Variants in UGT1A3 observed in about 807,000 individuals in gnomAD.
UGT1A3 encodes UDP-glucuronosyltransferase 1A3.
In UGT1A3, 31 loss-of-function variants were observed where a neutral mutation model predicts 41.0. That is an observed-to-expected ratio of 0.76 (90% CI 0.57 to 1.02). The LOEUF (loss-of-function observed/expected upper bound fraction) is 1.02. Among genes scored for constraint, UGT1A3 ranks in the 50% least tolerant of loss-of-function variants. The probability of loss-of-function intolerance (pLI) is 0.00; values close to 1 mark genes in which losing one functional copy is unlikely to be tolerated. For missense variants in UGT1A3, 737 were observed against 671.0 expected (o/e 1.10, Z -1.09); for synonymous variants, 262 against 257.6 (o/e 1.02, Z -0.17).
At position 233,773,153 on chromosome 2, in the gene UGT1A3, T is replaced by C. The variant is rs2126068054; in HGVS notation, c.*594T>C. 6.5e-6 allele frequency: 1 copy of C among 154,246 alleles called. No individual in the cohort carries two copies. The highest frequency in any genetic ancestry group is 3.4e-3 in the Middle Eastern group (1 of 294). 9.6% of individuals were successfully genotyped at this position (154,246 alleles called of 1,614,324 possible). A position where few individuals can be genotyped will look rare whatever the true frequency, so the allele number is the denominator to read the frequency against. On this transcript the variant is annotated 3_prime_UTR_variant, in exon 5 of 5. Coordinates refer to ENST00000482026, the MANE Select transcript of UGT1A3 (RefSeq NM_019093.4). ...ATGATGCTATGAAATTGGTGGGTGG[T>C]GTATTTGAGAAGATAATCATTGCTT...
chr2:233,732,815 A>G (rs1359476181), intron 1 of UGT1A3, among the ~76,000 whole-genome samples: 2 of 140,410 alleles, frequency 1.4e-5, no homozygotes, highest in African/African-American at 5.5e-5. Context: ...TTGATTCCAT[A>G]TGAACTTTAA....
intron 1 of UGT1A3, among the ~76,000 whole-genome samples, chr2:233,763,590 A>G (rs772976697): frequency 6.6e-6 from 1 of 152,156 alleles, no homozygotes; most frequent in Non-Finnish European, 1.5e-5. Flanking sequence ...TTCCTTTGTT[A>G]ACTAAAAATG....
At chr2:233,760,002 C>T (rs1697301368) in intron 1 of UGT1A3, among the ~76,000 whole-genome samples, 1 of 152,194 alleles carries the variant, frequency 6.6e-6, no homozygotes, top group Admixed American at 6.5e-5. Flanking sequence ...TGTGGAAATA[C>T]TAATTTAATG....
intron 1 of UGT1A3, chr2:233,741,688 A>C (rs1691743482): frequency 6.6e-6 from 1 of 151,896 alleles, no homozygotes; most frequent in Non-Finnish European, 1.5e-5. Flanking sequence ...GGGTGCCATT[A>C]CATGCAGAGT....
intron 1 of UGT1A3, among the ~76,000 whole-genome samples, 180 bp from the exon 2 acceptor site, chr2:233,766,854 A>G (rs966764700): frequency 6.6e-6 from 1 of 152,226 alleles, no homozygotes. Flanking sequence ...CTCCTTTAGA[A>G]GGAAGTAAAG....
At chr2:233,754,746 A>G (rs1695573516) in intron 1 of UGT1A3, 1 of 757,186 alleles carries the variant, frequency 1.3e-6, no homozygotes, top group Non-Finnish European at 2.0e-6. Flanking sequence ...GGACATGCAG[A>G]AGGAAGAAAG....
rs186714678 is a variant in UGT1A3 at position 233,744,068 on chromosome 2, C to T, written c.867+14075C>T. On this transcript the variant is annotated intron_variant, in intron 1 of 4. Coordinates refer to ENST00000482026, the MANE Select transcript of UGT1A3 (RefSeq NM_019093.4). ...CATCTCATTGGTCGAGGCCTATGAG[C>T]GCCTCGCATCCCAAGATGCAGTGCT... is the stretch of plus-strand genomic sequence containing the variant. 2.4e-4 allele frequency: 123 copies of T among 517,010 alleles called. 1 individual carries two copies. Among genetic ancestry groups the T allele is most frequent in the African/African-American group, 1.6e-3 (78 of 49,160 alleles). 32.0% of individuals were successfully genotyped at this position (517,010 alleles called of 1,614,324 possible).
intron 1 of UGT1A3, chr2:233,741,725 C>G (rs1312283881): frequency 6.6e-6 from 1 of 151,856 alleles, no homozygotes; most frequent in Non-Finnish European, 1.5e-5. Flanking sequence ...AGAGCATATC[C>G]AAACCCATAT....
At chr2:233,738,611 A>C (rs1411128815) in intron 1 of UGT1A3, among the ~76,000 whole-genome samples, 2 of 152,250 alleles carry the variant, frequency 1.3e-5, no homozygotes, top group Admixed American at 6.5e-5. Flanking sequence ...TTAGCAAAGA[A>C]ACTCGTGGCA....
At chr2:233,760,603 C>T in intron 1 of UGT1A3, 1 of 1,614,202 alleles carries the variant, frequency 6.2e-7, no homozygotes, top group Non-Finnish European at 8.5e-7. Context: ...TGATTCTTTC[C>T]TGCAGCGTGT....
rs1362371317 is a variant in UGT1A3 at position 233,772,403 on chromosome 2, C to T, written c.1449C>T (p.Thr483=). The T allele has an allele frequency of 6.2e-7, 1 of 1,614,140 alleles. No individual in the cohort carries two copies. Among genetic ancestry groups the T allele is most frequent in the African/African-American group, 1.3e-5 (1 of 74,952 alleles). The part of the protein sequence containing the change: ...PHLRPAAHDL[T]WYQYHSLDVI... ...TGCGCCCCGCAGCCCACGACCTCAC[C>T]TGGTACCAGTACCATTCCTTGGACG... Residue 483 remains threonine (T), a synonymous_variant, in exon 5 of 5, where the codon ACC becomes ACT. Coordinates refer to ENST00000482026, the MANE Select transcript of UGT1A3 (RefSeq NM_019093.4).
chr2:233,739,953 G>A (rs1339008674), intron 1 of UGT1A3, among the ~76,000 whole-genome samples: 1 of 151,912 alleles, frequency 6.6e-6, no homozygotes, highest in Non-Finnish European at 1.5e-5. Context: ...CCTGGTGGGA[G>A]CTGATTGAAT....
At chr2:233,765,532 C>T (rs769087620) in intron 1 of UGT1A3, among the ~76,000 whole-genome samples, 15 of 152,064 alleles carry the variant, frequency 9.9e-5, no homozygotes, top group Non-Finnish European at 2.1e-4. Context: ...CGCATGTTCT[C>T]ACTCATAAGT....
intron 1 of UGT1A3, among the ~76,000 whole-genome samples, chr2:233,742,577 G>T (rs28900373): frequency 0.034 from 5,125 of 151,816 alleles, 154 homozygotes; most frequent in African/African-American, 0.051. Flanking sequence ...CGGAATTGGG[G>T]GCTTATCCCC....
At chr2:233,758,898 T>G (rs1462729445) in intron 1 of UGT1A3, among the ~76,000 whole-genome samples, 1 of 152,186 alleles carries the variant, frequency 6.6e-6, no homozygotes, top group Non-Finnish European at 1.5e-5. Context: ...AAATACAAAT[T>G]TGAGTTGTTT....
Position 233,768,074 on chromosome 2 carries a change from G to A in UGT1A3, c.1087+138G>A. ...CCTACATTGCTTTTTATCTAGTGGG[G>A]TATCTCAACCCACATTTTCTTCTGC... On this transcript the variant is annotated intron_variant, in intron 3 of 4. Transcript: ENST00000482026. The A allele has an allele frequency of 5.0e-6, 8 of 1,593,840 alleles. No homozygotes were observed. In the South Asian group the frequency reaches 5.6e-5, roughly 11 times the overall value.
chr2:233,747,484 G>C (rs796155377), intron 1 of UGT1A3: 4 of 1,608,658 alleles, frequency 2.5e-6, no homozygotes, highest in Middle Eastern at 1.7e-4. Flanking sequence ...GAATTTGATC[G>C]CCTTGTGCTG....
intron 1 of UGT1A3, among the ~76,000 whole-genome samples, chr2:233,758,507 A>T (rs1490366523): frequency 6.6e-6 from 1 of 152,224 alleles, no homozygotes; most frequent in Non-Finnish European, 1.5e-5. Flanking sequence ...TCTAATAAGG[A>T]CACAACAAAG....
intron 1 of UGT1A3, among the ~76,000 whole-genome samples, chr2:233,736,036 C>T (rs2078722234): frequency 6.6e-6 from 1 of 152,082 alleles, no homozygotes; most frequent in Non-Finnish European, 1.5e-5. Context: ...CTCTGTATTT[C>T]CTGAATTTGA....
Sources: gnomAD v4.1 joint callset for allele counts (sites outside exome capture counted in the v4.1 genomes callset) on GRCh38, gnomAD v4.1.1 for gene constraint, MANE v1.5 for transcripts, NCBI Gene and HGNC (gene_info 2026-07-23, HGNC 2026-07-21) for gene names.